Variants in CLASP1 observed in about 807,000 individuals in gnomAD.
The protein encoded by CLASP1 is CLIP-associating protein 1.
A neutral mutation model predicts 192.3 loss-of-function variants in CLASP1; 38 were observed. The ratio of observed to expected loss-of-function variants is 0.20; its 90% CI spans 0.15 to 0.26. The LOEUF (loss-of-function observed/expected upper bound fraction) is 0.26. Ranked by LOEUF, CLASP1 falls within the 10% of genes least tolerant of loss-of-function variation. The pLI is 1.00. For missense variants in CLASP1, 1,433 were observed against 1,932.5 expected, an observed-to-expected ratio of 0.74 and a Z score of 4.85; for synonymous variants, 691 against 712.8, an observed-to-expected ratio of 0.97 and a Z score of 0.49.
chr2:121,389,760 T>C (rs1398637969), intron 30 of CLASP1, among the ~76,000 whole-genome samples: 1 of 152,238 alleles, frequency 6.6e-6, no homozygotes, highest in East Asian at 1.9e-4. Flanking sequence ...AGGCTTTTCA[T>C]GATGCAAATT....
chr2:121,399,354 A>G (rs561928046), intron 28 of CLASP1, among the ~76,000 whole-genome samples: 15 of 152,244 alleles, frequency 9.9e-5, no homozygotes, highest in Non-Finnish European at 2.2e-4. Context: ...GAAGGAAAGC[A>G]TACTTTAATA....
At position 121,626,092 on chromosome 2, in the gene CLASP1, C is replaced by T. The variant is rs2068307295; in HGVS notation, c.-285-19912G>A. Reference sequence around the variant, plus strand: ...TCCAGCCTGGAGGCAGAGCGAGACTCCATCTCAAAAAAAAAAAAAAGAGAG... The same window carrying T: ...TCCAGCCTGGAGGCAGAGCGAGACTTCATCTCAAAAAAAAAAAAAAGAGAG... On this transcript the variant is annotated intron_variant, in intron 1 of 39. Coordinates refer to ENST00000263710, the Ensembl canonical transcript of CLASP1. Among the ~76,000 whole-genome samples the T allele has an allele frequency of 1.4e-5, 2 of 145,910 alleles. 1 individual carries two copies. Among genetic ancestry groups the T allele is most frequent in the South Asian group, 4.4e-4 (2 of 4,508 alleles).
intron 2 of CLASP1, chr2:121,531,040 A>T (rs374980404): frequency 3.7e-5 from 26 of 699,036 alleles, no homozygotes; most frequent in South Asian, 1.8e-4. Context: ...TTATCAGTTC[A>T]AACAGCAGTA....
chr2:121,439,212 CTTCTTTTT>C (rs1015800469), intron 19 of CLASP1, among the ~76,000 whole-genome samples: 159 of 152,138 alleles, frequency 1.0e-3, no homozygotes, highest in Non-Finnish European at 2.0e-3. Flanking sequence ...CTATTTGATT[CTTCTTTTT>C]TTCTTTATTA....
intron 16 of CLASP1, 50 bp from the exon 17 acceptor site, chr2:121,449,170 CT>C (rs1427307730): frequency 1.3e-6 from 2 of 1,557,546 alleles, no homozygotes; most frequent in East Asian, 4.5e-5. Flanking sequence ...CCAAACAGGT[CT>C]TTTGCTGAAC....
intron 19 of CLASP1, among the ~76,000 whole-genome samples, chr2:121,446,968 C>T (rs1044096715): frequency 6.6e-6 from 1 of 152,162 alleles, no homozygotes; most frequent in Admixed American, 6.5e-5. Context: ...CCTCACTGAA[C>T]CTGCTGGCTC....
intron 22 of CLASP1, among the ~76,000 whole-genome samples, chr2:121,424,723 A>G (rs2080092668): frequency 6.6e-6 from 1 of 152,248 alleles, no homozygotes; most frequent in African/African-American, 2.4e-5. Flanking sequence ...CAATTAGATT[A>G]GAGAAGATCA....
chr2:121,600,263 A>T (rs2063642255), intron 2 of CLASP1, among the ~76,000 whole-genome samples: 1 of 152,180 alleles, frequency 6.6e-6, no homozygotes, highest in Non-Finnish European at 1.5e-5. Flanking sequence ...CACTACACTT[A>T]GAGAAATTAC....
In CLASP1 at chr2:121,451,780, A is replaced by G; in HGVS notation, c.1445+10T>C. On this transcript the variant is annotated intron_variant, in intron 15 of 39. Coordinates refer to ENST00000263710, the Ensembl canonical transcript of CLASP1. The stretch of plus-strand genomic sequence containing the variant: ...TCAGAGGGAAAAATGGTTTCAAATC[A>G]GATGCTCACCGTTCTAGTGAATGTG... 3 of 1,568,454 alleles carry G rather than the reference A, an allele frequency of 1.9e-6. No individual in the cohort carries two copies. Among genetic ancestry groups the G allele is most frequent in the Non-Finnish European group, 1.7e-6 (2 of 1,155,278 alleles).
intron 2 of CLASP1, among the ~76,000 whole-genome samples, chr2:121,595,744 T>C (rs535607136): frequency 6.6e-6 from 1 of 152,338 alleles, no homozygotes; most frequent in South Asian, 2.1e-4. Flanking sequence ...AAGGCCTCTG[T>C]TCCAGAGCAC....
intron 2 of CLASP1, among the ~76,000 whole-genome samples, chr2:121,603,455 G>A (rs1326339549): frequency 3.3e-5 from 5 of 152,122 alleles, no homozygotes; most frequent in African/African-American, 1.2e-4. Context: ...GCAGAGAAAA[G>A]GGAACTCTTA....
At chr2:121,443,408 T>C (rs2083716938) in intron 19 of CLASP1, among the ~76,000 whole-genome samples, 1 of 152,240 alleles carries the variant, frequency 6.6e-6, no homozygotes, top group Non-Finnish European at 1.5e-5. Flanking sequence ...ATGTCTTTGC[T>C]TTCCATTTCA....
chr2:121,635,520 T>C (rs1476534219), intron 1 of CLASP1, among the ~76,000 whole-genome samples: 5 of 152,154 alleles, frequency 3.3e-5, no homozygotes, highest in African/African-American at 9.7e-5. Context: ...ACCTTCAAGC[T>C]GAATCTTTCC....
intron 2 of CLASP1, among the ~76,000 whole-genome samples, chr2:121,582,522 G>A (rs1472976828): frequency 6.7e-6 from 1 of 148,504 alleles, no homozygotes; most frequent in Non-Finnish European, 1.5e-5. Context: ...AGGAGAGAGA[G>A]AAAGAAAGAC....
intron 2 of CLASP1, among the ~76,000 whole-genome samples, chr2:121,574,104 C>T (rs1190889419): frequency 6.6e-6 from 1 of 152,084 alleles, no homozygotes; most frequent in Non-Finnish European, 1.5e-5. Context: ...CCGAGGCGGG[C>T]AGATCACAAG....
Position 121,410,785 on chromosome 2 carries a change from G to A in CLASP1, c.2424+81C>T, listed in dbSNP as rs191747172. On this transcript the variant is annotated intron_variant, in intron 24 of 39. Transcript: ENST00000263710. ...AAAGATGAATTCATAACCTGATTTG[G>A]GGGCAATTTCCTGTTAGGACAGAGA... The A allele has an allele frequency of 1.8e-4, 135 of 744,560 alleles. 2 individuals carry two copies. The African/African-American group carries it at 2.3e-3, about 12-fold the overall frequency. The allele number at this position is 744,560 out of a possible 1,614,324, so 46.1% of individuals were successfully genotyped here. A position where few individuals can be genotyped will look rare whatever the true frequency, so the allele number is the denominator to read the frequency against.
chr2:121,477,473 T>A (rs556163061), intron 8 of CLASP1, among the ~76,000 whole-genome samples: 1 of 152,184 alleles, frequency 6.6e-6, no homozygotes, highest in African/African-American at 2.4e-5. Flanking sequence ...ATAAAACATA[T>A]ACCTATTTTA....
intron 6 of CLASP1, among the ~76,000 whole-genome samples, chr2:121,518,590 G>A (rs377764542): frequency 1.3e-5 from 2 of 152,236 alleles, no homozygotes; most frequent in East Asian, 1.9e-4. Flanking sequence ...AAATGCGGTC[G>A]GGCGCGGTGG....
chr2:121,530,924 A>G lies in CLASP1; in HGVS notation c.196-599T>C, dbSNP rs551370385. The G allele has an allele frequency of 4.9e-5, 34 of 699,868 alleles. 1 individual carries two copies. Among genetic ancestry groups the G allele is most frequent in the African/African-American group, 7.0e-5 (4 of 57,182 alleles). 43.4% of individuals were successfully genotyped at this position (699,868 alleles called of 1,614,324 possible). On this transcript the variant is annotated intron_variant, in intron 2 of 39. Transcript: ENST00000263710. ...TTGCGCTACTGTCCAATGAGCGCAT[A>G]GTGAGGGCAGTACTGCTAACGCCTG...
Sources: gnomAD v4.1 joint callset for allele counts (sites outside exome capture counted in the v4.1 genomes callset) on GRCh38, gnomAD v4.1.1 for gene constraint, MANE v1.5 for transcripts, NCBI Gene and HGNC (gene_info 2026-07-23, HGNC 2026-07-21) for gene names.